Variants in CDH11 observed in about 807,000 individuals in gnomAD.
CDH11 encodes the protein cadherin 11.
Under a neutral mutation model 67.8 loss-of-function variants are expected in CDH11, and 11 were observed. The ratio of observed to expected loss-of-function variants is 0.16; its 90% confidence interval spans 0.10 to 0.27. The LOEUF is 0.27. Ranked by LOEUF, CDH11 falls within the 10% of genes least tolerant of loss-of-function variation. The pLI, the probability that CDH11 is intolerant of heterozygous loss-of-function variation, is 1.00. For synonymous variants in CDH11, 419 were observed against 400.0 expected, an observed-to-expected ratio of 1.05 and a Z score of -0.57; for missense variants, 847 against 1,031.2, an observed-to-expected ratio of 0.82 and a Z score of 2.45.
intron 1 of CDH11, among the ~76,000 whole-genome samples, chr16:65,101,626 C>A (rs905512441): frequency 4.7e-4 from 72 of 152,168 alleles, no homozygotes; most frequent in African/African-American, 1.7e-3. Flanking sequence ...ACCATCACTA[C>A]CATCTTCCCA....
chr16:65,030,443 G>A (rs2073620370), intron 2 of CDH11, among the ~76,000 whole-genome samples: 1 of 152,114 alleles, frequency 6.6e-6, no homozygotes, highest in African/African-American at 2.4e-5. Context: ...GTTATTTTTA[G>A]TTCAAATCCT....
chr16:65,047,542 G>A (rs970512656), intron 2 of CDH11, among the ~76,000 whole-genome samples: 1 of 151,742 alleles, frequency 6.6e-6, no homozygotes, highest in African/African-American at 2.4e-5. Context: ...AGTAGAGACG[G>A]GATTTCACCA....
chr16:64,982,598 T>A, intron 7 of CDH11: 1 of 275,514 alleles, frequency 3.6e-6, no homozygotes, highest in Admixed American at 4.9e-5. Context: ...TCACTAAGAA[T>A]TACCTAAGGA....
At chr16:65,013,649 C>T (rs967410265) in intron 2 of CDH11, among the ~76,000 whole-genome samples, 1 of 151,906 alleles carries the variant, frequency 6.6e-6, no homozygotes, top group Non-Finnish European at 1.5e-5. Context: ...ATGGTGAAAC[C>T]CAGTTTCTAC....
rs2074099556 is a variant in CDH11 at position 65,053,907 on chromosome 16, T to G, written c.-276A>C. The G allele has an allele frequency of 8.8e-6, 4 of 455,954 alleles. 1 individual carries two copies. The Admixed American group carries it at 9.4e-5, about 11-fold the overall frequency. The allele number at this position is 455,954 out of a possible 1,614,324, so 28.2% of individuals were successfully genotyped here. A position where few individuals can be genotyped will look rare whatever the true frequency, so the allele number is the denominator to read the frequency against. ...ACACGAAGGAATGTCACAGGGCCGC[T>G]GAGCTGAAAACACAGTGATTTCTGC... is the stretch of plus-strand genomic sequence containing the variant. On this transcript the variant is annotated 5_prime_UTR_variant, in exon 2 of 13. Coordinates refer to ENST00000268603, the MANE Select transcript of CDH11 (RefSeq NM_001797.4).
chr16:65,061,006 T>C (rs1196433567), intron 1 of CDH11, among the ~76,000 whole-genome samples: 1 of 152,230 alleles, frequency 6.6e-6, no homozygotes, highest in African/African-American at 2.4e-5. Flanking sequence ...GCATCTGACC[T>C]CTTCTTCCAT....
chr16:65,004,819 C>T lies in CDH11; in HGVS notation c.51G>A (p.Leu17=). 6.3e-7 allele frequency: 1 copy of T among 1,585,762 alleles called. No homozygotes were observed. The highest frequency in any genetic ancestry group is 8.6e-7 in the Non-Finnish European group (1 of 1,166,050). The stretch of plus-strand genomic sequence containing the variant: ...CTGGGGCAAAGGCATGGCTGTGGCA[C>T]AGCATGCCCAGGCACACCAGGGCGG... ...LQAALVCLGM[L]CHSHAFAPER... is the part of the protein sequence containing the mutation. Residue 17 remains leucine (L), a synonymous_variant, in exon 3 of 13, where the codon CTG becomes CTA. Transcript: ENST00000268603.
intron 1 of CDH11, among the ~76,000 whole-genome samples, chr16:65,097,276 C>A (rs1166843545): frequency 6.6e-6 from 1 of 152,216 alleles, no homozygotes; most frequent in Non-Finnish European, 1.5e-5. Flanking sequence ...CCAACTGGGT[C>A]ATGCTGGACA....
chr16:65,083,239 T>C (rs2074642417), intron 1 of CDH11, among the ~76,000 whole-genome samples: 1 of 152,198 alleles, frequency 6.6e-6, no homozygotes, highest in African/African-American at 2.4e-5. Context: ...AAGCCTGCAC[T>C]CTTCCCCAGG....
chr16:65,084,092 T>C (rs1457668959), intron 1 of CDH11, among the ~76,000 whole-genome samples: 1 of 152,154 alleles, frequency 6.6e-6, no homozygotes, highest in African/African-American at 2.4e-5. Flanking sequence ...CTGTTCAAAA[T>C]GCCAATAAGT....
rs561561401 is a variant in CDH11 at position 64,945,796 on chromosome 16, A to G, written c.*1807T>C. 9.6e-7 allele frequency: 1 copy of G among 1,045,554 alleles called. No individual in the cohort carries two copies. The allele number at this position is 1,045,554 out of a possible 1,614,324, so 64.8% of individuals were successfully genotyped here. A position where few individuals can be genotyped will look rare whatever the true frequency, so the allele number is the denominator to read the frequency against. On this transcript the variant is annotated 3_prime_UTR_variant, in exon 13 of 13. Transcript: ENST00000268603. The stretch of plus-strand genomic sequence containing the variant: ...GTTGACTAAATCATAAAAATAGTAC[A>G]TAACATGATATCAAGAAATGCTTGA...
Position 64,945,802 on chromosome 16 carries a change from T to C in CDH11, c.*1801A>G, listed in dbSNP as rs184464183. The C allele has an allele frequency of 2.4e-5, 25 of 1,046,856 alleles. No individual in the cohort carries two copies. In the Admixed American group the frequency reaches 1.4e-3, roughly 58 times the overall value. 64.8% of individuals were successfully genotyped at this position (1,046,856 alleles called of 1,614,324 possible). A position where few individuals can be genotyped will look rare whatever the true frequency, so the allele number is the denominator to read the frequency against. On this transcript the variant is annotated 3_prime_UTR_variant, in exon 13 of 13. Transcript: ENST00000268603. ...TAAATCATAAAAATAGTACATAACATGATATCAAGAAATGCTTGAAACAAA... is the reference window on the plus strand; with the variant it reads ...TAAATCATAAAAATAGTACATAACACGATATCAAGAAATGCTTGAAACAAA...
chr16:65,002,019 T>A (rs918034642), intron 3 of CDH11, among the ~76,000 whole-genome samples: 1 of 152,180 alleles, frequency 6.6e-6, no homozygotes, highest in African/African-American at 2.4e-5. Context: ...ACCTTGAATG[T>A]CATCAAATCA....
At position 65,121,073 on chromosome 16, in the gene CDH11, G is replaced by A. The variant is rs1446163403; in HGVS notation, c.-298+807C>T. Among the ~76,000 whole-genome samples, 2 of 152,156 alleles carry A rather than the reference G, an allele frequency of 1.3e-5. No individual in the cohort carries two copies. Among genetic ancestry groups the A allele is most frequent in the African/African-American group, 4.8e-5 (2 of 41,458 alleles). Reference sequence around the variant, plus strand: ...CGCTCCGAGAAGCGGCGCAGGTTTCGGGAAGGTGTGGTTCTCAAAGTTAAC... The same window carrying A: ...CGCTCCGAGAAGCGGCGCAGGTTTCAGGAAGGTGTGGTTCTCAAAGTTAAC... On this transcript the variant is annotated intron_variant, in intron 1 of 12. Coordinates refer to ENST00000268603, the MANE Select transcript of CDH11 (RefSeq NM_001797.4). This position sits in a 1 kb window ranked among gnomAD's most constrained non-coding sequence, Gnocchi z 4.1.
chr16:64,976,876 AACCAAC>A (rs2072188068), intron 8 of CDH11, among the ~76,000 whole-genome samples: 1 of 151,238 alleles, frequency 6.6e-6, no homozygotes, highest in South Asian at 2.1e-4. Flanking sequence ...CCAACCAACC[AACCAAC>A]CAACCAACCA....
rs1347469388 is a variant in CDH11 at position 64,971,677 on chromosome 16, G to A, written c.1544C>T (p.Ala515Val). 6.2e-7 allele frequency: 1 copy of A among 1,610,594 alleles called. No homozygotes were observed. Among genetic ancestry groups the A allele is most frequent in the Non-Finnish European group, 8.5e-7 (1 of 1,177,172 alleles). Residue 515 changes from alanine (A) to valine (V), a missense_variant, in exon 11 of 13, where the codon GCA (alanine) becomes GTA (valine). By Grantham distance (64) the Ala-to-Val change is moderately conservative. Coordinates refer to ENST00000268603, the MANE Select transcript of CDH11 (RefSeq NM_001797.4). The part of the protein sequence containing the change: ...LSNQPIVTIS[A>V]DDKDDTANGP... ...ATTGGCCGTGTCATCCTTGTCATCT[G>A]CACTAATTGTAACAATTGGCTGAAA...
At chr16:64,964,641 C>CG (rs2071760495) in intron 11 of CDH11, among the ~76,000 whole-genome samples, 1 of 152,048 alleles carries the variant, frequency 6.6e-6, no homozygotes, top group South Asian at 2.1e-4. Flanking sequence ...CTCCGCCTCC[C>CG]GGGTTCACGT....
Position 64,946,412 on chromosome 16 carries a change from C to T in CDH11, c.*1191G>A. On this transcript the variant is annotated 3_prime_UTR_variant, in exon 13 of 13. Transcript: ENST00000268603. Reference sequence around the variant, plus strand: ...ATTAGAGTTCTGATAGCTCCATTCCCTCATGGATTCATCTCTCATAACCAT... The same window carrying T: ...ATTAGAGTTCTGATAGCTCCATTCCTTCATGGATTCATCTCTCATAACCAT... 9.7e-7 allele frequency: 1 copy of T among 1,035,194 alleles called. No individual in the cohort carries two copies. Among genetic ancestry groups the T allele is most frequent in the Non-Finnish European group, 1.2e-6 (1 of 859,918 alleles). 64.1% of individuals were successfully genotyped at this position (1,035,194 alleles called of 1,614,324 possible). A position where few individuals can be genotyped will look rare whatever the true frequency, so the allele number is the denominator to read the frequency against.
chr16:65,101,218 T>C (rs1023993149), intron 1 of CDH11, among the ~76,000 whole-genome samples: 2 of 152,166 alleles, frequency 1.3e-5, no homozygotes, highest in African/African-American at 2.4e-5. Flanking sequence ...ACCACTCTCC[T>C]AATCCATCAT....
Sources: allele counts gnomAD v4.1 joint callset (sites outside exome capture counted in the v4.1 genomes callset), GRCh38; gene constraint gnomAD v4.1.1; non-coding constraint Gnocchi (gnomAD v3.1); transcripts MANE v1.5; gene names NCBI Gene and HGNC (gene_info 2026-07-23, HGNC 2026-07-21).